The following ITGA3 variants were observed in gnomAD, a reference collection of about 807,000 sequenced individuals.
The protein encoded by ITGA3 is integrin subunit alpha 3.
In ITGA3, 70 loss-of-function variants were observed where a neutral mutation model predicts 131.1. The observed-to-expected ratio is 0.53, with a 90% CI of 0.44 to 0.65. ITGA3 has a LOEUF of 0.65. Among genes scored for constraint, ITGA3 ranks in the 30% least tolerant of loss-of-function variants. ITGA3 has a pLI of 0.00. For synonymous variants in ITGA3, 537 were observed against 571.6 expected (o/e 0.94, Z 0.86); for missense variants, 1,098 against 1,388.6 (o/e 0.79, Z 3.33).
rs757812706 is a variant in ITGA3, at chr17:50,088,283, C to T, written c.3104C>T (p.Ala1035Val). ...CTGTATGAAGCTAAGAGGCAGAAGG[C>T]GGAGATGAAGAGCCAGCCGTCAGAG... ...RALYEAKRQK[A>V]EMKSQPSETE... Residue 1035 changes from alanine to valine, a missense_variant, in exon 25 of 26, where the codon GCG (alanine) becomes GTG (valine). Physicochemically the swap from Ala to Val is moderately conservative, Grantham distance 64. Coordinates refer to ENST00000320031, the MANE Select transcript of ITGA3 (RefSeq NM_002204.4). 26 of 1,590,576 alleles carry T rather than the reference C, an allele frequency of 1.6e-5. No homozygotes were observed. The highest frequency in any genetic ancestry group is 5.4e-5 in the African/African-American group (4 of 74,604).
At chr17:50,057,700 G>A (rs1025118025) in intron 1 of ITGA3, among the ~76,000 whole-genome samples, 1 of 152,220 alleles carries the variant, frequency 6.6e-6, no homozygotes, top group African/African-American at 2.4e-5. Context: ...CCTAGCCTCT[G>A]CCCCCACCTG....
At chr17:50,071,221 G>A (rs1908613010) in intron 5 of ITGA3, 90 bp from the exon 6 acceptor site, 10 of 1,154,402 alleles carry the variant, frequency 8.7e-6, no homozygotes, top group Non-Finnish European at 1.3e-5. Flanking sequence ...ATCATGGTGG[G>A]GGGCAAGAGA....
At chr17:50,078,760 AC>A (rs1454502303) in intron 18 of ITGA3, 63 bp from the exon 19 acceptor site, 7 of 933,424 alleles carry the variant, frequency 7.5e-6, no homozygotes, top group South Asian at 4.2e-5. Flanking sequence ...TTTGGTGCCC[AC>A]CCCCCTCTGC....
In ITGA3 at chr17:50,089,440, C is replaced by T; in HGVS notation, c.*362C>T. 1.6e-6 allele frequency: 1 copy of T among 611,530 alleles called. No homozygotes were observed. Among genetic ancestry groups the T allele is most frequent in the Middle Eastern group, 4.4e-4 (1 of 2,258 alleles). 37.9% of individuals were successfully genotyped at this position (611,530 alleles called of 1,614,324 possible). On this transcript the variant is annotated 3_prime_UTR_variant, in exon 26 of 26. Coordinates refer to ENST00000320031, the MANE Select transcript of ITGA3 (RefSeq NM_002204.4). ...CTGTCTGGCCCTGGGGATCTTCCCA[C>T]AGGAGGGCCAGCGCTGTGGACCTTA...
At chr17:50,074,990 CTG>C (rs1249391220) in intron 10 of ITGA3, among the ~76,000 whole-genome samples, 1 of 152,218 alleles carries the variant, frequency 6.6e-6, no homozygotes, top group Non-Finnish European at 1.5e-5. Context: ...TAGCACAGCA[CTG>C]TGTATACCCT....
chr17:50,064,444 G>A lies in ITGA3; in HGVS notation c.335-84G>A, dbSNP rs1261562151. The A allele has an allele frequency of 5.9e-6, 8 of 1,364,624 alleles. No individual in the cohort carries two copies. The East Asian group carries it at 7.1e-5, about 12-fold the overall frequency. The allele number at this position is 1,364,624 out of a possible 1,614,324, so 84.5% of individuals were successfully genotyped here. ...TGCCCTGTGGGTGGAGGGCCCAAGC[G>A]GGACCCACTCCTGCCCTCTGGAGAC... On this transcript the variant is annotated intron_variant, in intron 2 of 25. Coordinates refer to ENST00000320031, the MANE Select transcript of ITGA3 (RefSeq NM_002204.4). This position sits in a 1 kb window ranked among gnomAD's most constrained non-coding sequence, Gnocchi z 4.4.
At position 50,087,784 on chromosome 17, in the gene ITGA3, C is replaced by G. The variant is rs146126922; in HGVS notation, c.2960C>G (p.Pro987Arg). Reference protein sequence around the residue: ...DIDSELVEELPAEIELWLVLV... With the variant: ...DIDSELVEELRAEIELWLVLV... ...GACTCGGAGCTGGTGGAGGAGCTGC[C>G]GGCCGAAATCGAGCTGTGGCTGGTG... The change falls in exon 24 of 26, where the codon CCG (proline) becomes CGG (arginine). Residue 987 changes from proline (P) to arginine (R), a missense_variant. Transcript: ENST00000320031. 1,164 of 1,613,250 alleles carry G rather than the reference C, an allele frequency of 7.2e-4. 6 individuals carry two copies. In the Admixed American group the frequency reaches 0.013, roughly 18 times the overall value.
chr17:50,065,082 C>G (rs931930706), intron 3 of ITGA3: 1 of 153,598 alleles, frequency 6.5e-6, no homozygotes, highest in Non-Finnish European at 1.4e-5. Context: ...GTGGCAGCCC[C>G]TGAGTTCTCC....
rs1206648928 is a variant in ITGA3 at position 50,085,199 on chromosome 17, T to TA, written c.2920-2533dup. 8.0e-3 allele frequency among the ~76,000 whole-genome samples: 1,067 copies of TA among 134,162 alleles called. 8 individuals are homozygous for TA. The highest frequency in any genetic ancestry group is 0.025 in the African/African-American group (930 of 36,786). 88.0% of individuals were successfully genotyped at this position (134,162 alleles called of 152,430 possible). A position where few individuals can be genotyped will look rare whatever the true frequency, so the allele number is the denominator to read the frequency against. The stretch of plus-strand genomic sequence containing the variant: ...CCTGGGCGACAGAGTGAGACTGTCT[T>TA]AAAAAAAAAAAAGAAAGAAAAGGGA... On this transcript the variant is annotated intron_variant, in intron 23 of 25. Transcript: ENST00000320031.
At chr17:50,068,960 G>T (rs1477997278) in intron 4 of ITGA3, among the ~76,000 whole-genome samples, 1 of 151,770 alleles carries the variant, frequency 6.6e-6, no homozygotes, top group Non-Finnish European at 1.5e-5. Context: ...CCATTCTCCT[G>T]CCTCAGCCTC....
Position 50,056,248 on chromosome 17 carries a change from T to A in ITGA3, c.-192T>A, listed in dbSNP as rs898943627. 4.2e-6 allele frequency: 2 copies of A among 476,322 alleles called. No homozygotes were observed. The highest frequency in any genetic ancestry group is 3.8e-5 in the South Asian group (1 of 26,294). 29.5% of individuals were successfully genotyped at this position (476,322 alleles called of 1,614,324 possible). On this transcript the variant is annotated 5_prime_UTR_variant, in exon 1 of 26. Transcript: ENST00000320031. The surrounding 1 kb of genome is among the most constrained non-coding windows in gnomAD (Gnocchi z 5.6). ...AGGCAGGAAGATAGACCCACGGATC[T>A]TAGGAAGGGATCCGAGAGCGCAGCT...
chr17:50,081,251 G>A (rs879595137), intron 22 of ITGA3, 59 bp from the exon 23 acceptor site: 10 of 1,100,586 alleles, frequency 9.1e-6, no homozygotes, highest in East Asian at 2.6e-5. Context: ...GCTTAGGGTC[G>A]GAGGTAGGCT....
At chr17:50,058,350 A>C (rs1389452458) in intron 1 of ITGA3, among the ~76,000 whole-genome samples, 1 of 152,136 alleles carries the variant, frequency 6.6e-6, no homozygotes, top group Non-Finnish European at 1.5e-5. Flanking sequence ...GAATTTCCGC[A>C]CATGTTGGAG....
chr17:50,070,121 A>G (rs1434657701), intron 4 of ITGA3, among the ~76,000 whole-genome samples: 1 of 152,216 alleles, frequency 6.6e-6, no homozygotes, highest in Non-Finnish European at 1.5e-5. Flanking sequence ...TGCAGGGTCC[A>G]GCTAGGCAGC....
At chr17:50,078,349 C>A in intron 18 of ITGA3, 65 bp downstream of exon 18, 1 of 1,365,528 alleles carries the variant, frequency 7.3e-7, no homozygotes, top group Non-Finnish European at 1.0e-6. Flanking sequence ...TCCCTATCCC[C>A]AAGCTATCTC....
Position 50,071,495 on chromosome 17 carries a change from C to T in ITGA3, c.936C>T (p.Ala312=), listed in dbSNP as rs771016039. 71 of 1,609,562 alleles carry T rather than the reference C, an allele frequency of 4.4e-5. No homozygotes were observed. In the South Asian group the frequency reaches 6.6e-4, roughly 15 times the overall value. The stretch of plus-strand genomic sequence containing the variant: ...GCGCCTATTTTGGCAGCGCCATTGC[C>T]CTGGCAGACCTGAACAATGATGGGT... ...QVGAYFGSAI[A]LADLNNDGWQ... is the part of the protein sequence containing the mutation. The change falls in exon 6 of 26, where the codon GCC becomes GCT. Residue 312 remains alanine (A), a synonymous_variant. Transcript: ENST00000320031.
In ITGA3 at chr17:50,075,751, G is replaced by A. The variant is rs781667571; in HGVS notation, c.1674+16G>A. ...GCTCCTGATGGTGAGGGAGGAGCAA[G>A]GGTCAGGATGAGGGCTCCCAGGTCC... On this transcript the variant is annotated intron_variant, in intron 12 of 25. Transcript: ENST00000320031. 2.0e-5 allele frequency: 33 copies of A among 1,613,534 alleles called. No individual in the cohort carries two copies. In the South Asian group the frequency reaches 2.6e-4, roughly 13 times the overall value.
intron 23 of ITGA3, among the ~76,000 whole-genome samples, chr17:50,084,250 A>AAC (rs1909299325): frequency 1.3e-5 from 2 of 149,994 alleles, no homozygotes; most frequent in African/African-American, 5.0e-5. Context: ...AAAAAAAAAA[A>AAC]AAAAAAGAAT....
intron 21 of ITGA3, among the ~76,000 whole-genome samples, chr17:50,079,894 A>C (rs1187879414): frequency 6.6e-6 from 1 of 152,138 alleles, no homozygotes; most frequent in Non-Finnish European, 1.5e-5. Context: ...TGCCCTCTGC[A>C]GGAAAGGAGA....
Sources: gnomAD v4.1 joint callset for allele counts (sites outside exome capture counted in the v4.1 genomes callset) on GRCh38, gnomAD v4.1.1 for gene constraint, Gnocchi (gnomAD v3.1) non-coding constraint, MANE v1.5 for transcripts, NCBI Gene and HGNC (gene_info 2026-07-23, HGNC 2026-07-21) for gene names.